The following NAALADL2 variants were observed in gnomAD, a reference collection of about 807,000 sequenced individuals.
NAALADL2 encodes N-acetylated alpha-linked acidic dipeptidase like 2.
Under a neutral mutation model 87.2 loss-of-function variants are expected in NAALADL2, and 76 were observed. That is an observed-to-expected ratio of 0.87 (90% confidence interval 0.72 to 1.05). The LOEUF (loss-of-function observed/expected upper bound fraction) is 1.05. NAALADL2 is among the 50% of genes least tolerant of loss of function. NAALADL2 has a pLI of 0.00. For synonymous variants in NAALADL2, 354 were observed against 331.0 expected (o/e 1.07, Z -0.75); for missense variants, 1,089 against 945.8 (o/e 1.15, Z -1.99).
chr3:175,776,495 C>T (rs1457475729), intron 13 of NAALADL2, among the ~76,000 whole-genome samples: 1 of 152,084 alleles, frequency 6.6e-6, no homozygotes, highest in Non-Finnish European at 1.5e-5. Flanking sequence ...TGGAAACTAT[C>T]GAGTCCCATT....
At chr3:175,190,898 A>C (rs993247405) in intron 2 of NAALADL2, among the ~76,000 whole-genome samples, 1 of 151,534 alleles carries the variant, frequency 6.6e-6, no homozygotes, top group South Asian at 2.1e-4. Context: ...GAATGGCGTG[A>C]ACCCGGGAGG....
intron 1 of NAALADL2, among the ~76,000 whole-genome samples, chr3:174,443,718 C>T (rs1279961336): frequency 6.6e-6 from 1 of 151,854 alleles, no homozygotes; most frequent in Non-Finnish European, 1.5e-5. Flanking sequence ...TAATGGTGTA[C>T]GTCAGCATTA....
At chr3:175,197,143 G>C (rs1371258323) in intron 2 of NAALADL2, among the ~76,000 whole-genome samples, 2 of 151,884 alleles carry the variant, frequency 1.3e-5, no homozygotes, top group African/African-American at 4.8e-5. Context: ...ATAGCAACAG[G>C]AGGTGGCTAC....
intron 11 of NAALADL2, among the ~76,000 whole-genome samples, chr3:175,699,201 T>C (rs1360883495): frequency 1.3e-5 from 2 of 151,982 alleles, no homozygotes; most frequent in Admixed American, 6.6e-5. Flanking sequence ...TTGAATCCAT[T>C]AGTTTATAAG....
At chr3:174,954,853 A>G (rs1363303450) in intron 1 of NAALADL2, among the ~76,000 whole-genome samples, 1 of 152,098 alleles carries the variant, frequency 6.6e-6, no homozygotes, top group South Asian at 2.1e-4. Flanking sequence ...ACATTCATAC[A>G]TGTAATTAAA....
chr3:175,521,282 CAAAA>C (rs1732619291), intron 9 of NAALADL2, among the ~76,000 whole-genome samples: 1 of 151,552 alleles, frequency 6.6e-6, no homozygotes, highest in Non-Finnish European at 1.5e-5. Flanking sequence ...TAACTTGAGA[CAAAA>C]GAAATGATAT....
At chr3:175,628,916 A>G (rs1222674929) in intron 11 of NAALADL2, among the ~76,000 whole-genome samples, 1 of 150,392 alleles carries the variant, frequency 6.6e-6, no homozygotes, top group Non-Finnish European at 1.5e-5. Context: ...ACTTAAAATT[A>G]TTCTAAGCTC....
intron 1 of NAALADL2, among the ~76,000 whole-genome samples, chr3:174,881,389 A>G (rs1042196832): frequency 5.9e-5 from 9 of 152,122 alleles, no homozygotes; most frequent in African/African-American, 2.2e-4. Flanking sequence ...CACAAAACAT[A>G]TTACACAATA....
intron 1 of NAALADL2, among the ~76,000 whole-genome samples, chr3:174,865,943 CAT>C (rs1727089127): frequency 6.6e-6 from 1 of 151,738 alleles, no homozygotes; most frequent in Admixed American, 6.6e-5. Context: ...AATAAATAAA[CAT>C]AATAGAGATA....
intron 4 of NAALADL2, among the ~76,000 whole-genome samples, chr3:175,302,979 A>T (rs1168532196): frequency 6.6e-6 from 1 of 152,118 alleles, no homozygotes; most frequent in African/African-American, 2.4e-5. Context: ...GAAAGGAAAT[A>T]TTTGAAGCAA....
chr3:175,383,680 G>A (rs1450345439), intron 5 of NAALADL2, among the ~76,000 whole-genome samples: 3 of 151,600 alleles, frequency 2.0e-5, no homozygotes, highest in Non-Finnish European at 3.0e-5. Flanking sequence ...CAGAGTATAA[G>A]GGAAAAAAAA....
chr3:175,640,833 A>G (rs1184978737), intron 11 of NAALADL2, among the ~76,000 whole-genome samples: 1 of 152,190 alleles, frequency 6.6e-6, no homozygotes, highest in Non-Finnish European at 1.5e-5. Context: ...CTTATGGAAA[A>G]TGCAGACAAC....
chr3:175,663,072 G>T (rs1053708415), intron 11 of NAALADL2, among the ~76,000 whole-genome samples: 14 of 151,834 alleles, frequency 9.2e-5, no homozygotes, highest in Non-Finnish European at 1.8e-4. Context: ...GATACTTTGG[G>T]TAGAATTGGT....
chr3:175,454,221 C>A (rs9881750), intron 6 of NAALADL2, among the ~76,000 whole-genome samples: 112,654 of 151,914 alleles, frequency 0.74, 42,107 homozygotes, highest in Middle Eastern at 0.84. Context: ...ATTAGGGTTT[C>A]TTCTTTGAAT....
At chr3:174,539,914 T>C (rs1166857765) in intron 1 of NAALADL2, among the ~76,000 whole-genome samples, 1 of 141,736 alleles carries the variant, frequency 7.1e-6, no homozygotes, top group African/African-American at 2.7e-5. Context: ...GAGTTACTGA[T>C]GATTGCCCTG....
intron 1 of NAALADL2, among the ~76,000 whole-genome samples, chr3:175,004,244 ATAAT>A (rs1748686442): frequency 6.6e-6 from 1 of 151,946 alleles, no homozygotes; most frequent in Non-Finnish European, 1.5e-5. Flanking sequence ...AAATAAATAA[ATAAT>A]TAGCTGGGTG....
At chr3:174,573,610 C>T (rs1715175629) in intron 2 of NAALADL2, among the ~76,000 whole-genome samples, 1 of 152,010 alleles carries the variant, frequency 6.6e-6, no homozygotes, top group African/African-American at 2.4e-5. Context: ...GGGCCTCAGA[C>T]TGCTATTGCA....
At chr3:175,472,899 G>A (rs996466862) in intron 9 of NAALADL2, among the ~76,000 whole-genome samples, 1 of 152,068 alleles carries the variant, frequency 6.6e-6, no homozygotes, top group African/African-American at 2.4e-5. Context: ...AAAAGCAAAT[G>A]AGCCTCGGAT....
chr3:174,711,108 G>C (rs138187094), intron 2 of NAALADL2, among the ~76,000 whole-genome samples: 1 of 152,108 alleles, frequency 6.6e-6, no homozygotes, highest in Non-Finnish European at 1.5e-5. Context: ...TCCTCTTGGG[G>C]GAAAACTGGC....
Sources: allele counts gnomAD v4.1 joint callset (sites outside exome capture counted in the v4.1 genomes callset), GRCh38; gene constraint gnomAD v4.1.1; transcripts MANE v1.5; gene names NCBI Gene and HGNC (gene_info 2026-07-23, HGNC 2026-07-21).